The following RNF17 variants were observed in gnomAD, a reference collection of about 807,000 sequenced individuals.
RNF17 encodes the protein ring finger protein 17.
A neutral mutation model predicts 200.5 loss-of-function variants in RNF17; 31 were observed. The observed-to-expected ratio is 0.15, with a 90% CI of 0.12 to 0.21. The LOEUF is 0.21. Ranked by LOEUF, RNF17 falls within the 10% of genes least tolerant of loss-of-function variation. RNF17 has a pLI of 1.00. For missense variants in RNF17, 1,628 were observed against 1,905.1 expected (o/e 0.85, Z 2.71); for synonymous variants, 606 against 637.8 (o/e 0.95, Z 0.75).
chr13:24,852,938 G>A (rs1054588639), intron 24 of RNF17, among the ~76,000 whole-genome samples: 3 of 152,156 alleles, frequency 2.0e-5, no homozygotes, highest in African/African-American at 7.2e-5. Context: ...GATTGAGACA[G>A]AGTCTCATTC....
chr13:24,843,608 CTG>C, intron 19 of RNF17, 134 bp from the exon 20 acceptor site: 1 of 647,828 alleles, frequency 1.5e-6, no homozygotes, highest in Non-Finnish European at 2.7e-6. Flanking sequence ...AAAAAGTCAC[CTG>C]TTTTAGGTCC....
chr13:24,818,392 G>A (rs918508781), intron 15 of RNF17, among the ~76,000 whole-genome samples: 4 of 152,082 alleles, frequency 2.6e-5, no homozygotes, highest in African/African-American at 9.7e-5. Flanking sequence ...TGTCTGTTAG[G>A]ACCTGTTGGT....
downstream of RNF17, among the ~76,000 whole-genome samples, chr13:24,881,808 A>T (rs559526406): frequency 8.3e-6 from 1 of 121,142 alleles, no homozygotes; most frequent in South Asian, 2.8e-4. Flanking sequence ...ATATATCTAG[A>T]TATCTATCTA....
chr13:24,792,141 A>G (rs1293403863), intron 9 of RNF17, among the ~76,000 whole-genome samples: 1 of 152,160 alleles, frequency 6.6e-6, no homozygotes, highest in African/African-American at 2.4e-5. Context: ...CATTTTCACA[A>G]CTTGAATATG....
intron 2 of RNF17, among the ~76,000 whole-genome samples, chr13:24,772,426 A>ATTTTTTTTTTT (rs34066913): frequency 8.5e-4 from 90 of 105,980 alleles, no homozygotes; most frequent in Non-Finnish European, 1.1e-3. Context: ...TTGAGTCTCC[A>ATTTTTTTTTTT]TTTTTTTTTT....
At chr13:24,867,304 G>A (rs749771591) in intron 30 of RNF17, among the ~76,000 whole-genome samples, 2 of 152,154 alleles carry the variant, frequency 1.3e-5, no homozygotes, top group Non-Finnish European at 2.9e-5. Flanking sequence ...GGAACTAAAG[G>A]CATGGACCAC....
chr13:24,823,318 C>G (rs184633179), intron 15 of RNF17, among the ~76,000 whole-genome samples: 1 of 152,190 alleles, frequency 6.6e-6, no homozygotes, highest in Non-Finnish European at 1.5e-5. Context: ...ATGATCTGCC[C>G]GCCTCAGCTT....
At chr13:24,886,242 G>T in the RNF17 span, 2 of 1,102,780 alleles carry the variant, frequency 1.8e-6, no homozygotes, top group Non-Finnish European at 2.4e-6. Context: ...AACTTGGAAG[G>T]GTCTCGAGCA....
chr13:24,801,950 A>C (rs1462335686), intron 13 of RNF17, among the ~76,000 whole-genome samples: 2 of 152,014 alleles, frequency 1.3e-5, no homozygotes, highest in Non-Finnish European at 2.9e-5. Context: ...GACTGCCCCT[A>C]AGTTTGTGGC....
In RNF17 at chr13:24,875,801, C is replaced by T. The variant is rs147653934; in HGVS notation, c.4584-1196C>T. Among the ~76,000 whole-genome samples, 31 of 152,308 alleles carry T rather than the reference C, an allele frequency of 2.0e-4. 1 individual carries two copies. The East Asian group carries it at 5.8e-3, about 28-fold the overall frequency. ...ACGGCAACAATTTTTTTACGATGCT[C>T]AAGGCATTTTGCTTGCCGGCTTTCT... On this transcript the variant is annotated intron_variant, in intron 33 of 35. Transcript: ENST00000255324.
chr13:24,867,499 G>T (rs1322234891), intron 30 of RNF17, among the ~76,000 whole-genome samples: 2 of 152,030 alleles, frequency 1.3e-5, no homozygotes, highest in Non-Finnish European at 2.9e-5. Flanking sequence ...TAAATTGCCT[G>T]TTACTTAAGT....
chr13:24,789,601 C>T (rs1001732274), intron 8 of RNF17, 97 bp from the exon 9 acceptor site: 3 of 922,468 alleles, frequency 3.3e-6, no homozygotes, highest in Non-Finnish European at 3.4e-6. Context: ...TTAAATGTTT[C>T]CTTTTCAATT....
the RNF17 span, chr13:24,886,017 TG>T: frequency 5.2e-6 from 2 of 382,696 alleles, no homozygotes; most frequent in Admixed American, 7.3e-5. Context: ...ACCAAATAAC[TG>T]GGTATTTAGT....
the RNF17 span, among the ~76,000 whole-genome samples, chr13:24,757,321 CTTTTTTT>C: frequency 1.9e-4 from 27 of 141,754 alleles, no homozygotes; most frequent in African/African-American, 7.0e-4. Flanking sequence ...GGACAATATT[CTTTTTTT>C]TTTTTTTTTC....
chr13:24,868,283 A>C (rs12853572), intron 30 of RNF17, among the ~76,000 whole-genome samples: 61,675 of 149,462 alleles, frequency 0.41, 12,781 homozygotes, highest in Admixed American at 0.45. Context: ...ATCCCGGCTA[A>C]AACGGTGAAA....
chr13:24,800,381 T>C lies in RNF17; in HGVS notation c.1605T>C (p.His535=). ...VLIVTGVVDT[H]VRPEHSAKQH... ...TTTCTCCTAGAGTTGTTGATACCCATGTGAGACCAGAACACTCTGCTAAGC... is the reference window on the plus strand; with the variant it reads ...TTTCTCCTAGAGTTGTTGATACCCACGTGAGACCAGAACACTCTGCTAAGC... The change falls in exon 13 of 36, where the codon CAT becomes CAC. Residue 535 remains histidine (H), a synonymous_variant. Transcript: ENST00000255324. 1 of 1,598,584 alleles carries C rather than the reference T, an allele frequency of 6.3e-7. No individual in the cohort carries two copies. Among genetic ancestry groups the C allele is most frequent in the South Asian group, 1.1e-5 (1 of 88,464 alleles).
chr13:24,818,998 CT>C (rs1203708098), intron 15 of RNF17, among the ~76,000 whole-genome samples: 1 of 151,670 alleles, frequency 6.6e-6, no homozygotes, highest in Non-Finnish European at 1.5e-5. Flanking sequence ...TTGCTTTTTT[CT>C]TTTTAGTATG....
At chr13:24,767,449 A>G (rs750825032) in intron 2 of RNF17, 83 bp downstream of exon 2, 2 of 1,002,294 alleles carry the variant, frequency 2.0e-6, no homozygotes, top group Non-Finnish European at 3.0e-6. Flanking sequence ...ACGTACTTCT[A>G]GTTAGAAACT....
chr13:24,824,053 T>C (rs1888375093), intron 15 of RNF17: 1 of 591,020 alleles, frequency 1.7e-6, no homozygotes, highest in Non-Finnish European at 3.0e-6. Flanking sequence ...GGACTGCCAC[T>C]GCTTAAGACC....
Sources: allele counts gnomAD v4.1 joint callset (sites outside exome capture counted in the v4.1 genomes callset), GRCh38; gene constraint gnomAD v4.1.1; transcripts MANE v1.5; gene names NCBI Gene and HGNC (gene_info 2026-07-23, HGNC 2026-07-21).